The following SNTB2 variants were observed in gnomAD, a reference collection of about 807,000 sequenced individuals.
SNTB2 encodes the protein syntrophin beta 2, also known as beta-2-syntrophin.
SNTB2 carries 34 observed loss-of-function variants against 46.2 expected under a neutral mutation model. The ratio of observed to expected loss-of-function variants is 0.74; its 90% CI spans 0.56 to 0.98. The LOEUF is 0.98. Among genes scored for constraint, SNTB2 ranks in the 50% least tolerant of loss-of-function variants. The pLI, the probability that SNTB2 is intolerant of heterozygous loss-of-function variation, is 0.00. For synonymous variants in SNTB2, 290 were observed against 312.6 expected (o/e 0.93, Z 0.76); for missense variants, 603 against 731.4 (o/e 0.82, Z 2.02).
chr16:69,192,482 T>C (rs1964064779), intron 1 of SNTB2, among the ~76,000 whole-genome samples: 1 of 152,230 alleles, frequency 6.6e-6, no homozygotes, highest in South Asian at 2.1e-4. Context: ...GCCATGTAAC[T>C]GTCTGCTGTC....
chr16:69,233,157 C>A (rs535885967), intron 1 of SNTB2, among the ~76,000 whole-genome samples: 4 of 152,144 alleles, frequency 2.6e-5, no homozygotes, highest in Non-Finnish European at 4.4e-5. Context: ...ACTTTTCCCC[C>A]CTCATGCCTA....
At chr16:69,188,674 C>G (rs1333468115) in intron 1 of SNTB2, among the ~76,000 whole-genome samples, 1 of 152,138 alleles carries the variant, frequency 6.6e-6, no homozygotes, top group Non-Finnish European at 1.5e-5. Context: ...TTTGAGCGGT[C>G]AGCTTTCTTT....
rs1427179574 is a variant in SNTB2 at position 69,306,695 on chromosome 16, G to A, written c.*5771G>A. 1 of 152,192 alleles carries A rather than the reference G, an allele frequency of 6.6e-6. No individual in the cohort carries two copies. The highest frequency in any genetic ancestry group is 2.4e-5 in the African/African-American group (1 of 41,448). 9.4% of individuals were successfully genotyped at this position (152,192 alleles called of 1,614,324 possible). A position where few individuals can be genotyped will look rare whatever the true frequency, so the allele number is the denominator to read the frequency against. ...TCATGCCTGTATTCCCAGTACTTTG[G>A]GAGCCCAAGGTGGGTGGATCACCTG... On this transcript the variant is annotated 3_prime_UTR_variant, in exon 7 of 7. Transcript: ENST00000336278.
chr16:69,243,665 A>G (rs1964640448), intron 1 of SNTB2, among the ~76,000 whole-genome samples: 1 of 152,216 alleles, frequency 6.6e-6, no homozygotes, highest in Admixed American at 6.5e-5. Context: ...TGGAAACCTT[A>G]GGAATTTCTG....
At chr16:69,198,765 C>T (rs995690425) in intron 1 of SNTB2, among the ~76,000 whole-genome samples, 1 of 152,058 alleles carries the variant, frequency 6.6e-6, no homozygotes, top group Non-Finnish European at 1.5e-5. Context: ...CAGTATGTTT[C>T]TTACCTATTA....
In SNTB2 at chr16:69,257,169, CA is replaced by C. The variant is rs35505662; in HGVS notation, c.795-2864del. Among the ~76,000 whole-genome samples, 700 of 101,772 alleles carry C rather than the reference CA, an allele frequency of 6.9e-3. 5 individuals are homozygous for C. Among genetic ancestry groups the C allele is most frequent in the African/African-American group, 0.016 (442 of 28,048 alleles). The allele number at this position is 101,772 out of a possible 152,430, so 66.8% of individuals were successfully genotyped here. On this transcript the variant is annotated intron_variant, in intron 2 of 6. Transcript: ENST00000336278. ...CTGGGCGAAGAGCGAGACTCCATCT[CA>C]AAAAAAAAAAAAAAAAGTTACCAAT... is the stretch of plus-strand genomic sequence containing the variant.
intron 3 of SNTB2, among the ~76,000 whole-genome samples, chr16:69,269,353 C>G (rs144217475): frequency 0.023 from 3,484 of 150,964 alleles, 134 homozygotes; most frequent in African/African-American, 0.08. Flanking sequence ...CCCATCTCTA[C>G]TAAAAATACA....
chr16:69,281,855 G>A (rs1483948606), intron 4 of SNTB2, among the ~76,000 whole-genome samples: 1 of 146,344 alleles, frequency 6.8e-6, no homozygotes, highest in East Asian at 2.2e-4. Flanking sequence ...AGAAAAAAAA[G>A]AAAGAAAGAA....
intron 6 of SNTB2, among the ~76,000 whole-genome samples, chr16:69,300,205 G>C (rs1220229789): frequency 6.6e-6 from 1 of 151,854 alleles, no homozygotes; most frequent in Non-Finnish European, 1.5e-5. Context: ...CTCTTCTTCA[G>C]TTTTCAAGAT....
chr16:69,296,290 A>AT lies in SNTB2; in HGVS notation c.1346-3292dup, dbSNP rs199687189. 6.3e-3 allele frequency among the ~76,000 whole-genome samples: 962 copies of AT among 151,882 alleles called. 13 individuals carry two copies. Among genetic ancestry groups the AT allele is most frequent in the African/African-American group, 0.021 (884 of 41,292 alleles). On this transcript the variant is annotated intron_variant, in intron 5 of 6. Transcript: ENST00000336278. ...AGTGAAACTCCGTCTCAAAAAAAAA[A>AT]TTTTTTTTAAACTAAAACAAGCTCA... is the stretch of plus-strand genomic sequence containing the variant.
chr16:69,206,691 CAGAA>C (rs1245537319), intron 1 of SNTB2, among the ~76,000 whole-genome samples: 2 of 143,626 alleles, frequency 1.4e-5, no homozygotes, highest in Admixed American at 6.9e-5. Flanking sequence ...AACTCCATCT[CAGAA>C]AGAAAAAAAA....
chr16:69,254,549 A>G (rs2143071272), intron 2 of SNTB2, among the ~76,000 whole-genome samples: 1 of 152,332 alleles, frequency 6.6e-6, no homozygotes, highest in East Asian at 1.9e-4. Flanking sequence ...CATAAAGAAA[A>G]AACTTGACAA....
At chr16:69,225,011 T>C (rs1964445673) in intron 1 of SNTB2, among the ~76,000 whole-genome samples, 1 of 152,204 alleles carries the variant, frequency 6.6e-6, no homozygotes, top group Non-Finnish European at 1.5e-5. Context: ...GTATGTGTTA[T>C]GTAAGAATGA....
chr16:69,206,024 C>T (rs112764550), intron 1 of SNTB2, among the ~76,000 whole-genome samples: 3,987 of 152,202 alleles, frequency 0.026, 59 homozygotes, highest in African/African-American at 0.036. Context: ...AAGGCTGGGC[C>T]TTGCTCTGTC....
chr16:69,206,658 T>G lies in SNTB2; in HGVS notation c.580+18912T>G, dbSNP rs543988104. ...GTGAGCCAAGATCACTCCATTGCACTCCAGCCTGGGCAACAAGAGCAAAAC... is the reference window on the plus strand; with the variant it reads ...GTGAGCCAAGATCACTCCATTGCACGCCAGCCTGGGCAACAAGAGCAAAAC... On this transcript the variant is annotated intron_variant, in intron 1 of 6. Coordinates refer to ENST00000336278, the MANE Select transcript of SNTB2 (RefSeq NM_006750.4). Among the ~76,000 whole-genome samples the G allele has an allele frequency of 1.7e-4, 25 of 144,696 alleles. 1 individual carries two copies. The South Asian group carries it at 1.8e-3, about 10-fold the overall frequency. The allele number at this position is 144,696 out of a possible 152,430, so 94.9% of individuals were successfully genotyped here. A position where few individuals can be genotyped will look rare whatever the true frequency, so the allele number is the denominator to read the frequency against.
At chr16:69,188,545 C>A (rs1481941682) in intron 1 of SNTB2, among the ~76,000 whole-genome samples, 2 of 152,172 alleles carry the variant, frequency 1.3e-5, no homozygotes. Flanking sequence ...TTGGATCTTT[C>A]ATGATGAATT....
chr16:69,237,070 A>T (rs557187260), intron 1 of SNTB2, among the ~76,000 whole-genome samples: 20 of 152,346 alleles, frequency 1.3e-4, no homozygotes, highest in African/African-American at 4.8e-4. Context: ...GGATATGTTG[A>T]ATCTGAAGGA....
chr16:69,275,085 T>G (rs938573142), intron 4 of SNTB2, among the ~76,000 whole-genome samples: 2 of 151,752 alleles, frequency 1.3e-5, no homozygotes, highest in African/African-American at 2.4e-5. Flanking sequence ...CTCTCTTTTT[T>G]TTTCTGACGA....
intron 1 of SNTB2, among the ~76,000 whole-genome samples, chr16:69,238,318 C>A (rs1964577830): frequency 6.6e-6 from 1 of 152,122 alleles, no homozygotes; most frequent in African/African-American, 2.4e-5. Flanking sequence ...GGGTTTGGTA[C>A]CCACTCTCTT....
Sources: allele counts gnomAD v4.1 joint callset (sites outside exome capture counted in the v4.1 genomes callset), GRCh38; gene constraint gnomAD v4.1.1; transcripts MANE v1.5; gene names NCBI Gene and HGNC (gene_info 2026-07-23, HGNC 2026-07-21).